The following SGK3 variants were observed in gnomAD, a reference collection of about 807,000 sequenced individuals.
The protein encoded by SGK3 is serum/glucocorticoid regulated kinase family member 3, also known as serine/threonine-protein kinase Sgk3.
In SGK3, 47 loss-of-function variants were observed where a neutral mutation model predicts 68.5. The ratio of observed to expected loss-of-function variants is 0.69; its 90% CI spans 0.54 to 0.87. The LOEUF (loss-of-function observed/expected upper bound fraction) is 0.87. SGK3 is among the 40% of genes least tolerant of loss of function. The probability of loss-of-function intolerance (pLI) is 0.00; values close to 1 mark genes in which losing one functional copy is unlikely to be tolerated. For missense variants in SGK3, 479 were observed against 575.5 expected (o/e 0.83, Z 1.72); for synonymous variants, 181 against 189.1 (o/e 0.96, Z 0.35).
intron 16 of SGK3, among the ~76,000 whole-genome samples, chr8:66,852,277 C>CTTTTTTTTTTTT (rs1204346785): frequency 9.3e-6 from 1 of 107,200 alleles, no homozygotes; most frequent in East Asian, 3.2e-4. Flanking sequence ...TTAAGGAATC[C>CTTTTTTTTTTTT]TTTTTTTTTT....
chr8:66,793,584 C>A, intron 1 of SGK3, 32 bp from the exon 2 acceptor site: 1 of 663,282 alleles, frequency 1.5e-6, no homozygotes, highest in South Asian at 2.6e-5. Flanking sequence ...AGTTGTTTTG[C>A]TAATCACTTT....
At chr8:66,828,967 GGTGT>G (rs113679632) in intron 7 of SGK3, among the ~76,000 whole-genome samples, 107 of 119,554 alleles carry the variant, frequency 8.9e-4, no homozygotes, top group South Asian at 2.9e-3. Context: ...GTGGGTGGGG[GGTGT>G]GTGTGTGTGT....
intron 1 of SGK3, among the ~76,000 whole-genome samples, chr8:66,727,243 A>G (rs1805012630): frequency 6.6e-6 from 1 of 152,028 alleles, no homozygotes; most frequent in African/African-American, 2.4e-5. Context: ...CTGGGACTAC[A>G]GGTGCACACC....
intron 4 of SGK3, among the ~76,000 whole-genome samples, chr8:66,813,637 A>T (rs538152526): frequency 6.7e-6 from 1 of 149,494 alleles, no homozygotes; most frequent in East Asian, 1.9e-4. Context: ...ATTTTAATAT[A>T]TAACTACATA....
intron 1 of SGK3, chr8:66,768,082 A>G: frequency 3.9e-6 from 2 of 511,008 alleles, no homozygotes; most frequent in Non-Finnish European, 7.2e-6. Context: ...TTTGAATTAT[A>G]CCACATCACT....
At chr8:66,802,784 A>G (rs1446482917) in intron 3 of SGK3, among the ~76,000 whole-genome samples, 1 of 152,008 alleles carries the variant, frequency 6.6e-6, no homozygotes, top group Non-Finnish European at 1.5e-5. Flanking sequence ...AAGGTTAATT[A>G]TCAAACACAT....
intron 1 of SGK3, among the ~76,000 whole-genome samples, chr8:66,721,126 A>C (rs1404706700): frequency 6.6e-6 from 1 of 152,198 alleles, no homozygotes; most frequent in Non-Finnish European, 1.5e-5. Context: ...CAGAGTCAGT[A>C]ACACTTGACT....
chr8:66,815,055 T>C (rs1463121686), intron 5 of SGK3, among the ~76,000 whole-genome samples: 1 of 152,208 alleles, frequency 6.6e-6, no homozygotes, highest in African/African-American at 2.4e-5. Context: ...TTAACAGTCT[T>C]TTCGGAACCA....
chr8:66,728,499 G>A (rs1805043554), intron 1 of SGK3, among the ~76,000 whole-genome samples: 1 of 151,900 alleles, frequency 6.6e-6, no homozygotes, highest in African/African-American at 2.4e-5. Context: ...GCTAATTTTT[G>A]TATTTTTAGT....
intron 5 of SGK3, among the ~76,000 whole-genome samples, chr8:66,818,438 A>G (rs1221760271): frequency 6.6e-6 from 1 of 152,228 alleles, no homozygotes; most frequent in Non-Finnish European, 1.5e-5. Flanking sequence ...ACAAAGAGAA[A>G]AGTGCCCAGA....
chr8:66,745,587 A>T lies in SGK3; in HGVS notation c.-122+32754A>T, dbSNP rs537307662. Among the ~76,000 whole-genome samples, 4 of 146,524 alleles carry T rather than the reference A, an allele frequency of 2.7e-5. No individual in the cohort carries two copies. In the South Asian group the frequency reaches 8.4e-4, roughly 31 times the overall value. On this transcript the variant is annotated intron_variant, in intron 1 of 16. Transcript: ENST00000521198. ...AGACTGTCTCAAAAAACAAAAACAA[A>T]ACAAAACAAAAAAACAACAAAAACT... is the stretch of plus-strand genomic sequence containing the variant.
intron 1 of SGK3, among the ~76,000 whole-genome samples, chr8:66,764,049 G>C (rs1439788930): frequency 6.6e-6 from 1 of 151,972 alleles, no homozygotes; most frequent in Non-Finnish European, 1.5e-5. Context: ...TTTTTATAGA[G>C]ACAGGATTTT....
chr8:66,743,409 C>T (rs1441682516), intron 1 of SGK3, among the ~76,000 whole-genome samples: 3 of 152,192 alleles, frequency 2.0e-5, no homozygotes, highest in African/African-American at 4.8e-5. Flanking sequence ...TCTGCAATTA[C>T]GTTATATATT....
Position 66,839,984 on chromosome 8 carries a change from C to T in SGK3, c.742-19C>T, listed in dbSNP as rs767737028. On this transcript the variant is annotated intron_variant, in intron 10 of 16. Coordinates refer to ENST00000521198, the MANE Select transcript of SGK3 (RefSeq NM_001033578.3). The stretch of plus-strand genomic sequence containing the variant: ...TCCTAACATTCTCTCTCCCCCCACC[C>T]CCACAACCAATTTGACAGCTTTTTT... 8 of 1,610,678 alleles carry T rather than the reference C, an allele frequency of 5.0e-6. No homozygotes were observed. The African/African-American group carries it at 9.4e-5, about 19-fold the overall frequency.
intron 16 of SGK3, among the ~76,000 whole-genome samples, chr8:66,855,271 C>T (rs1202316438): frequency 2.0e-5 from 3 of 152,130 alleles, no homozygotes; most frequent in African/African-American, 7.2e-5. Flanking sequence ...GGTGCAATCT[C>T]GGCTCACTGA....
chr8:66,843,165 C>T (rs1809865203), intron 13 of SGK3, among the ~76,000 whole-genome samples: 1 of 152,186 alleles, frequency 6.6e-6, no homozygotes, highest in South Asian at 2.1e-4. Flanking sequence ...CAAATACCTA[C>T]ATCACCTATT....
At chr8:66,767,550 C>G in intron 1 of SGK3, 2 of 1,497,708 alleles carry the variant, frequency 1.3e-6, no homozygotes. Context: ...CAAGCTCTCT[C>G]TCCTCATCAA....
intron 1 of SGK3, among the ~76,000 whole-genome samples, chr8:66,736,821 G>A (rs1001080391): frequency 1.3e-5 from 2 of 152,060 alleles, no homozygotes; most frequent in African/African-American, 4.8e-5. Flanking sequence ...GTTTCTCCAT[G>A]TTGGTCAGGC....
At position 66,821,664 on chromosome 8, in the gene SGK3, C is replaced by T. The variant is rs532917710; in HGVS notation, c.330-708C>T. Among the ~76,000 whole-genome samples, 7 of 149,500 alleles carry T rather than the reference C, an allele frequency of 4.7e-5. No individual in the cohort carries two copies. In the Admixed American group the frequency reaches 4.8e-4, roughly 10 times the overall value. On this transcript the variant is annotated intron_variant, in intron 5 of 16. Coordinates refer to ENST00000521198, the MANE Select transcript of SGK3 (RefSeq NM_001033578.3). The stretch of plus-strand genomic sequence containing the variant: ...AGTAGCTGGGACTACAGGTGTCCGC[C>T]ACCACGCCCGGCTATTTTTTTTTTT...
Sources: allele counts gnomAD v4.1 joint callset (sites outside exome capture counted in the v4.1 genomes callset), GRCh38; gene constraint gnomAD v4.1.1; transcripts MANE v1.5; gene names NCBI Gene and HGNC (gene_info 2026-07-23, HGNC 2026-07-21).